The following DPYD variants were observed in gnomAD, a reference collection of about 807,000 sequenced individuals.
The protein encoded by DPYD is dihydropyrimidine dehydrogenase.
A neutral mutation model predicts 116.2 loss-of-function variants in DPYD; 109 were observed. The ratio of observed to expected loss-of-function variants is 0.94; its 90% CI spans 0.80 to 1.10. The LOEUF (loss-of-function observed/expected upper bound fraction) is 1.10. DPYD is among the 50% of genes least tolerant of loss of function. The pLI is 0.00. For missense variants in DPYD, 1,302 were observed against 1,254.5 expected (o/e 1.04, Z -0.57); for synonymous variants, 440 against 432.0 (o/e 1.02, Z -0.23).
chr1:97,733,368 T>A (rs893309730), intron 4 of DPYD, among the ~76,000 whole-genome samples: 1 of 151,996 alleles, frequency 6.6e-6, no homozygotes, highest in East Asian at 1.9e-4. Flanking sequence ...GAAACCTAAC[T>A]TCACCCTACA....
chr1:97,220,177 T>A (rs749476115), intron 19 of DPYD, among the ~76,000 whole-genome samples: 1 of 152,160 alleles, frequency 6.6e-6, no homozygotes, highest in Non-Finnish European at 1.5e-5. Flanking sequence ...TCTGCCCTTA[T>A]GAATGGATTA....
chr1:97,619,795 A>T (rs1439391719), intron 8 of DPYD, among the ~76,000 whole-genome samples: 2 of 152,164 alleles, frequency 1.3e-5, no homozygotes, highest in Non-Finnish European at 2.9e-5. Flanking sequence ...GGATATATTT[A>T]ATATGAAAAC....
chr1:97,888,080 T>G (rs182129329), intron 1 of DPYD, among the ~76,000 whole-genome samples: 55 of 152,082 alleles, frequency 3.6e-4, no homozygotes, highest in Admixed American at 3.6e-3. Context: ...TAATACACAC[T>G]TCAAAGCAGC....
intron 11 of DPYD, among the ~76,000 whole-genome samples, chr1:97,561,619 C>G (rs765355866): frequency 8.5e-5 from 13 of 152,170 alleles, no homozygotes; most frequent in Non-Finnish European, 1.6e-4. Context: ...CATATTTAAT[C>G]TACGTGCCTC....
At chr1:97,178,502 C>G (rs555777842) in intron 20 of DPYD, among the ~76,000 whole-genome samples, 81 of 152,190 alleles carry the variant, frequency 5.3e-4, no homozygotes, top group African/African-American at 1.9e-3. Flanking sequence ...ATGAAACTAT[C>G]AGATCTCGTG....
intron 12 of DPYD, chr1:97,546,698 T>C (rs1486281260): frequency 1.9e-6 from 3 of 1,612,910 alleles, no homozygotes; most frequent in African/African-American, 2.7e-5. Flanking sequence ...GTGTGTACAC[T>C]AAAAGATACA....
intron 2 of DPYD, among the ~76,000 whole-genome samples, chr1:97,846,978 G>A (rs1230683475): frequency 6.6e-6 from 1 of 152,140 alleles, no homozygotes; most frequent in African/African-American, 2.4e-5. Context: ...AGTGGAGGGA[G>A]GGATGGCTGC....
At chr1:97,564,967 G>A (rs1196166813) in intron 11 of DPYD, among the ~76,000 whole-genome samples, 7 of 151,910 alleles carry the variant, frequency 4.6e-5, no homozygotes, top group East Asian at 1.9e-4. Flanking sequence ...TACCTTTCTC[G>A]CCTCTCTCCA....
intron 14 of DPYD, among the ~76,000 whole-genome samples, chr1:97,402,131 T>TAGA (rs1348211516): frequency 2.6e-5 from 4 of 152,134 alleles, no homozygotes; most frequent in Non-Finnish European, 5.9e-5. Flanking sequence ...CTTTAAACTT[T>TAGA]AGAATCAGTT....
intron 1 of DPYD, among the ~76,000 whole-genome samples, chr1:97,896,905 T>C (rs1054657360): frequency 1.3e-5 from 2 of 151,930 alleles, no homozygotes; most frequent in Non-Finnish European, 2.9e-5. Context: ...CCCCATACTT[T>C]ACTGTTTAAT....
At chr1:97,363,113 AC>A (rs1327974652) in intron 16 of DPYD, among the ~76,000 whole-genome samples, 1 of 152,222 alleles carries the variant, frequency 6.6e-6, no homozygotes, top group Non-Finnish European at 1.5e-5. Context: ...CAAGAAAAAA[AC>A]ATACAACCCC....
At chr1:97,697,161 AAC>A (rs2100966531) in intron 6 of DPYD, among the ~76,000 whole-genome samples, 1 of 152,242 alleles carries the variant, frequency 6.6e-6, no homozygotes, top group South Asian at 2.1e-4. Context: ...AGGAAAGCAA[AAC>A]TACTGATTAT....
intron 8 of DPYD, among the ~76,000 whole-genome samples, chr1:97,620,125 A>G (rs902042899): frequency 2.6e-5 from 4 of 151,752 alleles, no homozygotes; most frequent in Admixed American, 6.6e-5. Context: ...CACTATTCCA[A>G]TTGATACACA....
chr1:97,494,400 A>G (rs1679137278), intron 13 of DPYD, among the ~76,000 whole-genome samples: 1 of 152,088 alleles, frequency 6.6e-6, no homozygotes, highest in Non-Finnish European at 1.5e-5. Flanking sequence ...TAGAACTGAA[A>G]AGAGCTGATA....
rs114168029 is a variant in DPYD, at chr1:97,420,619, G to A, written c.1905+29440C>T. Among the ~76,000 whole-genome samples, 820 of 152,098 alleles carry A rather than the reference G, an allele frequency of 5.4e-3. 7 individuals are homozygous for A. The highest frequency in any genetic ancestry group is 0.019 in the African/African-American group (776 of 41,492). ...CCTAGGCAAGCATAAACGGCCTTTC[G>A]TAACTGGGCTCCTGCGGTCTAGGGA... On this transcript the variant is annotated intron_variant, in intron 14 of 22. Transcript: ENST00000370192.
At chr1:97,331,735 C>G (rs1023473477) in intron 16 of DPYD, among the ~76,000 whole-genome samples, 1 of 152,048 alleles carries the variant, frequency 6.6e-6, no homozygotes, top group Non-Finnish European at 1.5e-5. Context: ...TATGATGATG[C>G]CATTTGTGTA....
At position 97,078,898 on chromosome 1, in the gene DPYD, A is replaced by T. The variant is rs1288159133; in HGVS notation, c.*78T>A. The T allele has an allele frequency of 6.7e-7, 1 of 1,502,068 alleles. No homozygotes were observed. The highest frequency in any genetic ancestry group is 1.7e-5 in the Admixed American group (1 of 59,746). The allele number at this position is 1,502,068 out of a possible 1,614,324, so 93.0% of individuals were successfully genotyped here. On this transcript the variant is annotated 3_prime_UTR_variant, in exon 23 of 23. Coordinates refer to ENST00000370192, the MANE Select transcript of DPYD (RefSeq NM_000110.4). ...ATTTGTTTTAATTTGGAAAGAGCTG[A>T]ACACAAGGATCATGATTTTAAAAGA...
intron 16 of DPYD, among the ~76,000 whole-genome samples, chr1:97,358,656 C>T (rs964344074): frequency 3.4e-4 from 51 of 152,238 alleles, no homozygotes; most frequent in African/African-American, 1.1e-3. Flanking sequence ...GCTGGTGACA[C>T]CCAGGCAAAC....
intron 3 of DPYD, among the ~76,000 whole-genome samples, chr1:97,763,012 C>A (rs1665660557): frequency 1.3e-5 from 2 of 152,052 alleles, no homozygotes; most frequent in Admixed American, 1.3e-4. Flanking sequence ...CAGAGTCTAG[C>A]AAAGTGTTTG....
Sources: allele counts gnomAD v4.1 joint callset (sites outside exome capture counted in the v4.1 genomes callset), GRCh38; gene constraint gnomAD v4.1.1; transcripts MANE v1.5; gene names NCBI Gene and HGNC (gene_info 2026-07-23, HGNC 2026-07-21).